Variants in XKR9 observed in about 807,000 individuals in gnomAD.
The protein encoded by XKR9 is XK related 9.
In XKR9, 32 loss-of-function variants were observed where a neutral mutation model predicts 32.0. The observed-to-expected ratio is 1.00, with a 90% CI of 0.76 to 1.34. The LOEUF is 1.34. Among genes scored for constraint, XKR9 ranks in the 40% most tolerant of loss-of-function variants. XKR9 has a pLI of 0.00. For synonymous variants in XKR9, 168 were observed against 143.4 expected, an observed-to-expected ratio of 1.17 and a Z score of -1.22; for missense variants, 546 against 429.7, an observed-to-expected ratio of 1.27 and a Z score of -2.39.
the XKR9 span, among the ~76,000 whole-genome samples, chr8:70,916,535 A>G: frequency 6.6e-6 from 1 of 152,198 alleles, no homozygotes; most frequent in Non-Finnish European, 1.5e-5. Context: ...AAACTACCCT[A>G]TTTTAATTAC....
chr8:70,906,542 G>C, the XKR9 span, among the ~76,000 whole-genome samples: 1 of 152,182 alleles, frequency 6.6e-6, no homozygotes, highest in Non-Finnish European at 1.5e-5. Context: ...TGCATCATTT[G>C]CCGACTTGCA....
the XKR9 span, among the ~76,000 whole-genome samples, chr8:70,892,503 A>T: frequency 6.6e-6 from 1 of 152,040 alleles, no homozygotes; most frequent in South Asian, 2.1e-4. Context: ...GAGTCCCTTG[A>T]GCATTTCTTA....
chr8:71,064,932 G>C, the XKR9 span, among the ~76,000 whole-genome samples: 2 of 152,236 alleles, frequency 1.3e-5, no homozygotes, highest in East Asian at 3.9e-4. Flanking sequence ...CATCTTGGAC[G>C]CTGGGAAAGA....
chr8:70,728,330 A>G (rs1806545455), intron 4 of XKR9, among the ~76,000 whole-genome samples: 1 of 152,188 alleles, frequency 6.6e-6, no homozygotes, highest in Non-Finnish European at 1.5e-5. Context: ...CTTCCTGCTG[A>G]TCAGGGGCAT....
the XKR9 span, among the ~76,000 whole-genome samples, chr8:70,839,646 A>G: frequency 6.6e-6 from 1 of 152,120 alleles, no homozygotes; most frequent in Non-Finnish European, 1.5e-5. Flanking sequence ...TTTCTGAGAT[A>G]CCTTACTCAG....
the XKR9 span, among the ~76,000 whole-genome samples, chr8:70,853,515 C>A: frequency 1.2e-4 from 18 of 151,350 alleles, no homozygotes; most frequent in East Asian, 3.9e-4. Flanking sequence ...TAAAAAAAAA[C>A]CCCAACAAAT....
the XKR9 span, among the ~76,000 whole-genome samples, chr8:71,048,002 T>C: frequency 6.6e-6 from 1 of 152,202 alleles, no homozygotes; most frequent in Non-Finnish European, 1.5e-5. Context: ...ACTGTATTAC[T>C]GGGATATTAC....
intron 2 of XKR9, among the ~76,000 whole-genome samples, chr8:70,744,884 G>T (rs1343696465): frequency 6.7e-6 from 1 of 150,074 alleles, no homozygotes; most frequent in Non-Finnish European, 1.5e-5. Flanking sequence ...GGGATTACAG[G>T]CATGAGTTAC....
chr8:70,683,488 CT>C (rs748803371), intron 3 of XKR9: 7 of 434,276 alleles, frequency 1.6e-5, no homozygotes, highest in South Asian at 1.2e-4. Flanking sequence ...CCTAGAATTA[CT>C]TTTCTTTTTT....
chr8:70,878,184 C>T, the XKR9 span, among the ~76,000 whole-genome samples: 3 of 152,110 alleles, frequency 2.0e-5, no homozygotes, highest in African/African-American at 4.8e-5. Context: ...ACAACCAGTA[C>T]CAGCTGCTGC....
intron 4 of XKR9, 95 bp from the exon 5 acceptor site, chr8:70,733,701 G>GGT: frequency 8.7e-7 from 1 of 1,152,470 alleles, no homozygotes; most frequent in Non-Finnish European, 1.1e-6. Context: ...CGTGTTTGTG[G>GGT]GTGTGTGTAT....
intron 2 of XKR9, among the ~76,000 whole-genome samples, chr8:70,766,582 C>T (rs1190869651): frequency 6.6e-6 from 1 of 152,146 alleles, no homozygotes; most frequent in Non-Finnish European, 1.5e-5. Context: ...TTTGAATACC[C>T]TTTATTTCTT....
At chr8:70,775,638 A>G (rs1179418994) in intron 2 of XKR9, among the ~76,000 whole-genome samples, 2 of 152,196 alleles carry the variant, frequency 1.3e-5, no homozygotes, top group Non-Finnish European at 2.9e-5. Flanking sequence ...TATTCTTGAG[A>G]AAACCACACT....
chr8:70,940,140 G>T, the XKR9 span, among the ~76,000 whole-genome samples: 4 of 151,860 alleles, frequency 2.6e-5, no homozygotes, highest in African/African-American at 9.7e-5. Context: ...CAACAGTTTC[G>T]GGAGTAGTAA....
the XKR9 span, among the ~76,000 whole-genome samples, chr8:70,901,425 T>G: frequency 1.8e-3 from 273 of 152,342 alleles, 1 homozygote; most frequent in Non-Finnish European, 3.3e-3. Flanking sequence ...ATGAGCATTT[T>G]TTCATGTGTC....
chr8:71,018,630 G>A, the XKR9 span, among the ~76,000 whole-genome samples: 1 of 152,156 alleles, frequency 6.6e-6, no homozygotes, highest in Non-Finnish European at 1.5e-5. Flanking sequence ...CACAAGCCCT[G>A]GCACATAGTA....
the XKR9 span, among the ~76,000 whole-genome samples, chr8:70,962,501 G>T: frequency 7.2e-5 from 11 of 152,222 alleles, no homozygotes; most frequent in East Asian, 2.1e-3. Context: ...TAGGATACTG[G>T]TCTCCAACTG....
intron 2 of XKR9, among the ~76,000 whole-genome samples, chr8:70,778,474 A>G (rs1191530225): frequency 2.0e-5 from 3 of 152,116 alleles, no homozygotes; most frequent in African/African-American, 7.2e-5. Flanking sequence ...TTTTTTTCCA[A>G]TTCTGTGAAG....
chr8:70,673,199 T>TA (rs1818774696), intron 1 of XKR9, among the ~76,000 whole-genome samples: 1 of 152,234 alleles, frequency 6.6e-6, no homozygotes, highest in African/African-American at 2.4e-5. Context: ...TTTAAGGTCT[T>TA]ACGTTTAATC....
Sources: allele counts gnomAD v4.1 joint callset (sites outside exome capture counted in the v4.1 genomes callset), GRCh38; gene constraint gnomAD v4.1.1; transcripts MANE v1.5; gene names NCBI Gene and HGNC (gene_info 2026-07-23, HGNC 2026-07-21).